The following ZNF385B variants were observed in gnomAD, a reference collection of about 807,000 sequenced individuals.
ZNF385B encodes the protein zinc finger protein 533.
In ZNF385B, 23 loss-of-function variants were observed where a neutral mutation model predicts 39.2. That is an observed-to-expected ratio of 0.59 (90% CI 0.42 to 0.83). The LOEUF (loss-of-function observed/expected upper bound fraction) is 0.83, where lower values mean the gene tolerates loss of function less well. Ranked by LOEUF, ZNF385B falls within the 40% of genes least tolerant of loss-of-function variation. The pLI is 0.00. For synonymous variants in ZNF385B, 205 were observed against 222.6 expected (o/e 0.92, Z 0.70); for missense variants, 552 against 598.9 (o/e 0.92, Z 0.82).
chr2:179,459,670 T>A (rs961354894), intron 6 of ZNF385B, among the ~76,000 whole-genome samples: 15 of 151,456 alleles, frequency 9.9e-5, no homozygotes, highest in African/African-American at 3.6e-4. Flanking sequence ...TAAATGTAAA[T>A]CTTAATTTAT....
chr2:179,568,595 T>C (rs1684862331), intron 3 of ZNF385B, among the ~76,000 whole-genome samples: 1 of 152,256 alleles, frequency 6.6e-6, no homozygotes, highest in South Asian at 2.1e-4. Context: ...AAAGCTGTTA[T>C]GAAGTTAGCA....
chr2:179,463,496 C>A (rs960615537), intron 6 of ZNF385B, among the ~76,000 whole-genome samples: 3 of 152,066 alleles, frequency 2.0e-5, no homozygotes, highest in African/African-American at 7.2e-5. Flanking sequence ...AATGTTATCC[C>A]TCCCCTAGCC....
chr2:179,733,816 A>G (rs1701562119), intron 3 of ZNF385B, among the ~76,000 whole-genome samples: 1 of 151,818 alleles, frequency 6.6e-6, no homozygotes, highest in African/African-American at 2.4e-5. Context: ...CAAGAGTATA[A>G]TAGTTAAATA....
intron 6 of ZNF385B, among the ~76,000 whole-genome samples, chr2:179,448,597 T>A (rs573934418): frequency 6.6e-5 from 10 of 152,196 alleles, no homozygotes; most frequent in Middle Eastern, 3.4e-3. Flanking sequence ...TCACTTACAT[T>A]GTCTTATTAG....
chr2:179,575,790 T>G (rs1195475671), intron 3 of ZNF385B, among the ~76,000 whole-genome samples: 1 of 104,746 alleles, frequency 9.5e-6, no homozygotes, highest in African/African-American at 3.6e-5. Flanking sequence ...TAAAAGACTT[T>G]TGTTTTTTTT....
intron 3 of ZNF385B, among the ~76,000 whole-genome samples, chr2:179,614,273 G>C (rs994278538): frequency 2.6e-5 from 4 of 151,844 alleles, no homozygotes; most frequent in African/African-American, 9.7e-5. Context: ...CAACTGACGA[G>C]GGCTTCTAGT....
chr2:179,464,116 T>C (rs190709474), intron 6 of ZNF385B, among the ~76,000 whole-genome samples: 6 of 152,362 alleles, frequency 3.9e-5, no homozygotes, highest in Admixed American at 3.3e-4. Flanking sequence ...GATGAGCATT[T>C]TTTCATATAT....
intron 3 of ZNF385B, among the ~76,000 whole-genome samples, chr2:179,596,790 A>G (rs1688036186): frequency 6.6e-6 from 1 of 152,084 alleles, no homozygotes; most frequent in South Asian, 2.1e-4. Context: ...GTCAAGACTG[A>G]GTTTCTTTTT....
At chr2:179,449,135 A>G (rs2105565366) in intron 6 of ZNF385B, among the ~76,000 whole-genome samples, 1 of 152,284 alleles carries the variant, frequency 6.6e-6, no homozygotes, top group African/African-American at 2.4e-5. Flanking sequence ...AGTATGGACT[A>G]TAAGAAAATT....
intron 3 of ZNF385B, among the ~76,000 whole-genome samples, chr2:179,574,970 T>G (rs1574863919): frequency 6.6e-6 from 1 of 152,126 alleles, no homozygotes; most frequent in African/African-American, 2.4e-5. Context: ...AGAACTGCCC[T>G]TCTTTCGTTT....
chr2:179,818,675 T>G (rs1287138603), intron 1 of ZNF385B, among the ~76,000 whole-genome samples: 1 of 152,202 alleles, frequency 6.6e-6, no homozygotes, highest in Non-Finnish European at 1.5e-5. Flanking sequence ...TGTTTTTTGA[T>G]TCCCACAACA....
intron 3 of ZNF385B, among the ~76,000 whole-genome samples, chr2:179,760,051 T>A (rs576201084): frequency 1.8e-3 from 32 of 17,396 alleles, no homozygotes; most frequent in Non-Finnish European, 2.9e-3. Flanking sequence ...ATAGTAAAAA[T>A]TTTTTTTTTT....
chr2:179,686,067 C>T (rs1464475962), intron 3 of ZNF385B, among the ~76,000 whole-genome samples: 1 of 152,152 alleles, frequency 6.6e-6, no homozygotes, highest in Non-Finnish European at 1.5e-5. Context: ...CTTTCATTTG[C>T]CCACTTGAAT....
chr2:179,797,425 AT>A (rs1705740194), intron 1 of ZNF385B, among the ~76,000 whole-genome samples: 1 of 152,206 alleles, frequency 6.6e-6, no homozygotes, highest in African/African-American at 2.4e-5. Flanking sequence ...ATTAATAACA[AT>A]TCCTTCATAG....
chr2:179,454,530 T>C (rs2050483226), intron 6 of ZNF385B, among the ~76,000 whole-genome samples: 1 of 152,186 alleles, frequency 6.6e-6, no homozygotes, highest in Admixed American at 6.6e-5. Flanking sequence ...AAGTTATCTG[T>C]AAAATGGCCT....
intron 1 of ZNF385B, among the ~76,000 whole-genome samples, chr2:179,805,442 T>C (rs1010669783): frequency 1.3e-4 from 20 of 152,216 alleles, no homozygotes; most frequent in Admixed American, 1.0e-3. Flanking sequence ...CAAAACACCA[T>C]TCATGAAACT....
chr2:179,638,641 A>G (rs1691978655), intron 3 of ZNF385B, among the ~76,000 whole-genome samples: 1 of 152,124 alleles, frequency 6.6e-6, no homozygotes. Context: ...TGTTCATTCT[A>G]TTATCCACTG....
At chr2:179,460,698 C>T (rs971786000) in intron 6 of ZNF385B, among the ~76,000 whole-genome samples, 2 of 152,182 alleles carry the variant, frequency 1.3e-5, no homozygotes, top group East Asian at 1.9e-4. Context: ...AGACCCATGA[C>T]TCATGACTCA....
At chr2:179,674,911 A>G (rs1008015285) in intron 3 of ZNF385B, among the ~76,000 whole-genome samples, 3 of 152,182 alleles carry the variant, frequency 2.0e-5, no homozygotes, top group African/African-American at 7.2e-5. Flanking sequence ...CTAAAATCCT[A>G]TCTAACCCAT....
Sources: gnomAD v4.1 joint callset for allele counts (sites outside exome capture counted in the v4.1 genomes callset) on GRCh38, gnomAD v4.1.1 for gene constraint, MANE v1.5 for transcripts, NCBI Gene and HGNC (gene_info 2026-07-23, HGNC 2026-07-21) for gene names.